The following RANBP17 variants were observed in gnomAD, a reference collection of about 807,000 sequenced individuals.
RANBP17 encodes ran-binding protein 17.
Under a neutral mutation model 141.2 loss-of-function variants are expected in RANBP17, and 158 were observed. The observed-to-expected ratio is 1.12, with a 90% confidence interval of 0.98 to 1.28. RANBP17 has a LOEUF of 1.28. Ranked by LOEUF, RANBP17 falls within the 50% of genes most tolerant of loss-of-function variation. RANBP17 has a pLI of 0.00. For missense variants in RANBP17, 1,438 were observed against 1,290.7 expected, an observed-to-expected ratio of 1.11 and a Z score of -1.75; for synonymous variants, 430 against 450.0, an observed-to-expected ratio of 0.96 and a Z score of 0.56.
chr5:171,289,330 C>G (rs2128042472), intron 25 of RANBP17, among the ~76,000 whole-genome samples: 1 of 152,334 alleles, frequency 6.6e-6, no homozygotes, highest in Non-Finnish European at 1.5e-5. Flanking sequence ...AGATTCTAGA[C>G]CCACTGAGCC....
chr5:171,283,947 C>G (rs1296201258), intron 25 of RANBP17, among the ~76,000 whole-genome samples: 8 of 152,202 alleles, frequency 5.3e-5, no homozygotes, highest in Non-Finnish European at 7.3e-5. Context: ...ATTCATTGCA[C>G]TCTCCTTTGA....
At chr5:171,206,033 A>T in intron 20 of RANBP17, 1 of 323,116 alleles carries the variant, frequency 3.1e-6, no homozygotes. Context: ...ACAGTTTTTC[A>T]TTATCATGAA....
intron 24 of RANBP17, among the ~76,000 whole-genome samples, chr5:171,261,410 T>C: frequency 6.6e-6 from 1 of 152,196 alleles, no homozygotes; most frequent in South Asian, 2.1e-4. Flanking sequence ...CCCTTCAGAC[T>C]ATATTTTTCT....
rs143964609 is a variant in RANBP17, at chr5:171,291,822, G to GA, written c.2944-2052dup. ...TTCGTATTTCCAAAAGAATAAAAAA[G>GA]AAAAAAAAATCACCCATTTTAGCAC... On this transcript the variant is annotated intron_variant, in intron 25 of 27. Coordinates refer to ENST00000523189, the MANE Select transcript of RANBP17 (RefSeq NM_022897.5). 2.5e-4 allele frequency among the ~76,000 whole-genome samples: 38 copies of GA among 150,306 alleles called. No individual in the cohort carries two copies. In the South Asian group the frequency reaches 5.0e-3, roughly 20 times the overall value.
rs569457806 is a variant in RANBP17, at chr5:170,974,114, A to G, written c.1710+5737A>G. On this transcript the variant is annotated intron_variant, in intron 14 of 27. Transcript: ENST00000523189. ...CCCCAAAGTCTTAGTTTATCCTACA[A>G]TCAGCTCCAAAGTCTGAAGCCTAGA... is the stretch of plus-strand genomic sequence containing the variant. Among the ~76,000 whole-genome samples the G allele has an allele frequency of 2.7e-3, 404 of 152,322 alleles. 1 individual carries two copies. Among genetic ancestry groups the G allele is most frequent in the Non-Finnish European group, 4.1e-3 (280 of 68,022 alleles).
At chr5:170,971,912 T>C (rs1313264234) in intron 14 of RANBP17, among the ~76,000 whole-genome samples, 1 of 152,132 alleles carries the variant, frequency 6.6e-6, no homozygotes, top group African/African-American at 2.4e-5. Flanking sequence ...AATAATGTAA[T>C]AAACACTCAT....
intron 18 of RANBP17, among the ~76,000 whole-genome samples, chr5:171,193,320 T>G (rs1761770959): frequency 6.6e-6 from 1 of 152,130 alleles, no homozygotes. Context: ...GGAAAGAAAT[T>G]GGGTGTCACA....
intron 22 of RANBP17, among the ~76,000 whole-genome samples, chr5:171,224,015 T>A (rs1200870106): frequency 7.2e-5 from 11 of 152,236 alleles, no homozygotes; most frequent in Non-Finnish European, 1.5e-4. Flanking sequence ...AATTGAGCTA[T>A]TCTGGTAAAA....
chr5:171,224,107 C>G (rs1366293), intron 22 of RANBP17, among the ~76,000 whole-genome samples: 123,965 of 152,202 alleles, frequency 0.81, 50,571 homozygotes, highest in South Asian at 0.9. Context: ...TACTCACCAA[C>G]CCAGCCTTCT....
intron 14 of RANBP17, among the ~76,000 whole-genome samples, chr5:170,974,089 C>A (rs1333276902): frequency 6.6e-6 from 1 of 152,140 alleles, no homozygotes; most frequent in East Asian, 1.9e-4. Context: ...CTAGTTTAGT[C>A]CCCAAAGTCT....
intron 14 of RANBP17, among the ~76,000 whole-genome samples, chr5:170,973,334 A>G (rs1172076550): frequency 6.6e-6 from 1 of 152,214 alleles, no homozygotes; most frequent in African/African-American, 2.4e-5. Context: ...GCAAAAATCA[A>G]TTTCTAGTAG....
At chr5:170,978,696 C>T (rs1777555211) in intron 14 of RANBP17, among the ~76,000 whole-genome samples, 1 of 152,018 alleles carries the variant, frequency 6.6e-6, no homozygotes, top group Non-Finnish European at 1.5e-5. Context: ...TGGTGGTTAC[C>T]TTTGGGTAGG....
Position 170,943,474 on chromosome 5 carries a change from C to T in RANBP17, c.1469-10123C>T, listed in dbSNP as rs145209902. Among the ~76,000 whole-genome samples, 972 of 152,060 alleles carry T rather than the reference C, an allele frequency of 6.4e-3. 8 individuals carry two copies. Among genetic ancestry groups the T allele is most frequent in the Non-Finnish European group, 0.01 (683 of 67,948 alleles). On this transcript the variant is annotated intron_variant, in intron 12 of 27. Transcript: ENST00000523189. Reference sequence around the variant, plus strand: ...ATGACTGATTTCTTTGGGATTACTGCAGTTATAAACCATAATTACAGATTA... The same window carrying T: ...ATGACTGATTTCTTTGGGATTACTGTAGTTATAAACCATAATTACAGATTA...
chr5:171,046,884 C>G (rs1782621666), intron 14 of RANBP17, among the ~76,000 whole-genome samples: 2 of 151,998 alleles, frequency 1.3e-5, no homozygotes, highest in Non-Finnish European at 2.9e-5. Context: ...ACTCAGTATT[C>G]TGAATATATT....
intron 24 of RANBP17, among the ~76,000 whole-genome samples, chr5:171,245,736 A>G (rs1240368110): frequency 1.3e-5 from 2 of 152,170 alleles, no homozygotes; most frequent in African/African-American, 2.4e-5. Context: ...CCACCACTAA[A>G]GTGTTAACCT....
chr5:171,018,034 T>C (rs1473224428), intron 14 of RANBP17, among the ~76,000 whole-genome samples: 1 of 152,236 alleles, frequency 6.6e-6, no homozygotes. Flanking sequence ...TGCTTGTTTT[T>C]TTTCAGGTTT....
chr5:171,015,427 T>C (rs1398903117), intron 14 of RANBP17, among the ~76,000 whole-genome samples: 1 of 152,156 alleles, frequency 6.6e-6, no homozygotes, highest in Non-Finnish European at 1.5e-5. Flanking sequence ...TTATTAATCA[T>C]ATCCAGTCTA....
intron 24 of RANBP17, among the ~76,000 whole-genome samples, chr5:171,249,504 G>A (rs926660305): frequency 6.6e-6 from 1 of 152,096 alleles, no homozygotes; most frequent in South Asian, 2.1e-4. Context: ...TGTTATAAGA[G>A]AAATCTGAAA....
At chr5:171,203,634 C>G (rs1762422408) in intron 19 of RANBP17, among the ~76,000 whole-genome samples, 2 of 151,878 alleles carry the variant, frequency 1.3e-5, no homozygotes, top group Admixed American at 6.6e-5. Context: ...TCCTATAGAC[C>G]ACTTCTATTA....
Sources: gnomAD v4.1 joint callset for allele counts (sites outside exome capture counted in the v4.1 genomes callset) on GRCh38, gnomAD v4.1.1 for gene constraint, MANE v1.5 for transcripts, NCBI Gene and HGNC (gene_info 2026-07-23, HGNC 2026-07-21) for gene names.